HEPH: variants seen among roughly 807,000 people sequenced by gnomAD.
HEPH encodes hephaestin.
A neutral mutation model predicts 80.8 loss-of-function variants in HEPH; 69 were observed. That is an observed-to-expected ratio of 0.85 (90% confidence interval 0.70 to 1.04). HEPH has a LOEUF of 1.04. Ranked by LOEUF, HEPH falls within the 50% of genes least tolerant of loss-of-function variation. The pLI is 0.00. For synonymous variants in HEPH, 431 were observed against 322.8 expected (o/e 1.34, Z -3.60); for missense variants, 1,115 against 891.3 (o/e 1.25, Z -3.20).
At chrX:66,235,606 G>A (rs965273962) in intron 15 of HEPH, among the ~76,000 whole-genome samples, 4 of 111,810 alleles carry the variant, frequency 3.6e-5, no homozygotes, top group African/African-American at 1.3e-4. Flanking sequence ...GGTTACTGTA[G>A]CTTGTTAGTA....
chrX:66,257,615 A>G (rs2091224523), intron 17 of HEPH, among the ~76,000 whole-genome samples: 1 of 112,084 alleles, frequency 8.9e-6, no homozygotes, highest in South Asian at 3.8e-4. Flanking sequence ...GGGCAGCAAT[A>G]CTCACCTCTT....
intron 15 of HEPH, among the ~76,000 whole-genome samples, chrX:66,248,620 A>C (rs1298393886): frequency 3.6e-5 from 4 of 112,370 alleles, no homozygotes; most frequent in Non-Finnish European, 7.5e-5. Context: ...GATTGATGGT[A>C]AGAATGAATA....
chrX:66,201,854 G>A (rs1161683953), intron 12 of HEPH, among the ~76,000 whole-genome samples: 2 of 111,905 alleles, frequency 1.8e-5, no homozygotes, highest in Non-Finnish European at 3.8e-5. Flanking sequence ...CAGTTTAAAC[G>A]AAAAAATAAT....
At chrX:66,263,427 T>C (rs2091428409) in intron 19 of HEPH, among the ~76,000 whole-genome samples, 1 of 111,876 alleles carries the variant, frequency 8.9e-6, no homozygotes, top group African/African-American at 3.2e-5. Flanking sequence ...CATTTTGGAC[T>C]CCAAGCCTGT....
chrX:66,166,028 G>C (rs1402390043), intron 1 of HEPH, among the ~76,000 whole-genome samples: 1 of 110,697 alleles, frequency 9.0e-6, no homozygotes, highest in Non-Finnish European at 1.9e-5. Context: ...CCAAAGTAGA[G>C]ACAATCCTCA....
At chrX:66,204,222 G>T (rs2088638421) in intron 13 of HEPH, among the ~76,000 whole-genome samples, 1 of 111,702 alleles carries the variant, frequency 9.0e-6, no homozygotes, top group Admixed American at 9.5e-5. Context: ...CTGTTGTTCT[G>T]AACTAATTCT....
intron 15 of HEPH, among the ~76,000 whole-genome samples, chrX:66,229,392 G>T (rs1186551222): frequency 9.0e-6 from 1 of 111,697 alleles, no homozygotes. Flanking sequence ...ATAAGTGAGA[G>T]CTGAGCTATG....
intron 4 of HEPH, among the ~76,000 whole-genome samples, chrX:66,187,926 A>G (rs2087557927): frequency 8.9e-6 from 1 of 112,067 alleles, no homozygotes. Flanking sequence ...ATCTCAAATT[A>G]GTCATTATAG....
At chrX:66,233,435 A>C (rs1010279631) in intron 15 of HEPH, among the ~76,000 whole-genome samples, 1 of 111,460 alleles carries the variant, frequency 9.0e-6, no homozygotes, top group Non-Finnish European at 1.9e-5. Context: ...GCTTTGGCTG[A>C]GAGTGTTGCT....
intron 11 of HEPH, among the ~76,000 whole-genome samples, chrX:66,199,910 A>T (rs1246679877): frequency 1.8e-5 from 2 of 110,739 alleles, no homozygotes; most frequent in Non-Finnish European, 3.8e-5. Context: ...TGCAGAGAAA[A>T]ATAGAGCTCA....
intron 15 of HEPH, among the ~76,000 whole-genome samples, chrX:66,251,207 G>A (rs1387408748): frequency 8.9e-6 from 1 of 111,900 alleles, no homozygotes; most frequent in Non-Finnish European, 1.9e-5. Context: ...ATTTCTCTTT[G>A]GTGGATACCT....
intron 13 of HEPH, among the ~76,000 whole-genome samples, chrX:66,206,332 C>A (rs996661425): frequency 1.4e-5 from 1 of 70,364 alleles, no homozygotes; most frequent in Non-Finnish European, 2.9e-5. Context: ...ACAAGGAAAC[C>A]TGCCATCTTT....
intron 11 of HEPH, among the ~76,000 whole-genome samples, chrX:66,199,371 C>A (rs947125373): frequency 1.8e-5 from 2 of 109,906 alleles, no homozygotes; most frequent in African/African-American, 6.7e-5. Context: ...CCCCCCCCCC[C>A]ATACTCCAGC....
chrX:66,193,565 A>G lies in HEPH; in HGVS notation c.1296A>G (p.Arg432=), dbSNP rs1238418936. 1 of 1,192,848 alleles carries G rather than the reference A, an allele frequency of 8.4e-7. No homozygotes were observed. Among genetic ancestry groups the G allele is most frequent in the Non-Finnish European group, 1.1e-6 (1 of 882,019 alleles). Residue 432 remains arginine (R), a synonymous_variant, in exon 8 of 21, where the codon CGA becomes CGG. Coordinates refer to ENST00000343002, the MANE Select transcript of HEPH (RefSeq NM_001367233.3). ...TTGGGGGCACTTACTGGAAAGTGCGATATGAAGCCTTTCAAGATGAGACAT... is the reference window on the plus strand; with the variant it reads ...TTGGGGGCACTTACTGGAAAGTGCGGTATGAAGCCTTTCAAGATGAGACAT... The part of the protein sequence containing the change: ...SRIGGTYWKV[R]YEAFQDETFQ...
At chrX:66,252,297 G>T (rs1569405979) in intron 15 of HEPH, among the ~76,000 whole-genome samples, 1 of 111,837 alleles carries the variant, frequency 8.9e-6, no homozygotes, top group Non-Finnish European at 1.9e-5. Context: ...ATAAAAATTA[G>T]ACAAATGGAG....
At chrX:66,199,781 G>A (rs2088323051) in intron 11 of HEPH, among the ~76,000 whole-genome samples, 1 of 112,104 alleles carries the variant, frequency 8.9e-6, no homozygotes, top group African/African-American at 3.2e-5. Context: ...AGATACGACA[G>A]GTAAGTGGTA....
chrX:66,262,358 G>C (rs1228650290), intron 19 of HEPH, among the ~76,000 whole-genome samples: 1 of 111,598 alleles, frequency 9.0e-6, no homozygotes, highest in Non-Finnish European at 1.9e-5. Context: ...TTGACCAGGG[G>C]GTTTGACAGA....
chrX:66,176,880 G>A (rs890125839), intron 4 of HEPH, among the ~76,000 whole-genome samples: 1 of 111,379 alleles, frequency 9.0e-6, no homozygotes, highest in African/African-American at 3.3e-5. Flanking sequence ...TGTGACCTAG[G>A]CAATACCATT....
At chrX:66,212,597 G>T (rs1435910126) in intron 15 of HEPH, among the ~76,000 whole-genome samples, 1 of 111,730 alleles carries the variant, frequency 9.0e-6, no homozygotes, top group Non-Finnish European at 1.9e-5. Context: ...GTAAGTTTTT[G>T]TCAGTTTTGT....
Sources: gnomAD v4.1 joint callset for allele counts (sites outside exome capture counted in the v4.1 genomes callset) on GRCh38, gnomAD v4.1.1 for gene constraint, MANE v1.5 for transcripts, NCBI Gene and HGNC (gene_info 2026-07-23, HGNC 2026-07-21) for gene names.